Variants in PKMYT1 observed in about 807,000 individuals in gnomAD.
PKMYT1 encodes membrane-associated tyrosine- and threonine-specific cdc2-inhibitory kinase.
Under a neutral mutation model 49.7 loss-of-function variants are expected in PKMYT1, and 35 were observed. The ratio of observed to expected loss-of-function variants is 0.70; its 90% CI spans 0.54 to 0.93. PKMYT1 has a LOEUF of 0.93. Ranked by LOEUF, PKMYT1 falls within the 40% of genes least tolerant of loss-of-function variation. The probability of loss-of-function intolerance (pLI) is 0.00; values close to 1 mark genes in which losing one functional copy is unlikely to be tolerated. For synonymous variants in PKMYT1, 331 were observed against 287.6 expected (o/e 1.15, Z -1.53); for missense variants, 677 against 673.1 (o/e 1.01, Z -0.06).
chr16:2,973,954 TCCCCCACCTTCCCCCTAG>T, intron 7 of PKMYT1, 28 bp downstream of exon 7: 1 of 1,581,404 alleles, frequency 6.3e-7, no homozygotes, highest in South Asian at 1.1e-5. Context: ...CCCGGTGATA[TCCCCCACCTTCCCCCTAG>T]CCCCCCATAC....
At position 2,972,857 on chromosome 16, in the gene PKMYT1, A is replaced by C. The variant is rs2151065956; in HGVS notation, c.*96T>G. The C allele has an allele frequency of 1.3e-6, 2 of 1,534,902 alleles. No homozygotes were observed. The highest frequency in any genetic ancestry group is 2.7e-5 in the African/African-American group (2 of 73,096). Reference sequence around the variant, plus strand: ...CTTTTTATTAGACACGGCCAGGCAGAGAAGACCATGGGAGTTCCCGAGGGG... The same window carrying C: ...CTTTTTATTAGACACGGCCAGGCAGCGAAGACCATGGGAGTTCCCGAGGGG... On this transcript the variant is annotated 3_prime_UTR_variant, in exon 9 of 9. Transcript: ENST00000262300.
chr16:2,973,444 G>C, intron 7 of PKMYT1: 1 of 1,526,780 alleles, frequency 6.5e-7, no homozygotes. Context: ...AGAACACATG[G>C]ACTTGGAGGC....
chr16:2,977,264 A>C, intron 2 of PKMYT1: 2 of 1,365,822 alleles, frequency 1.5e-6, no homozygotes, highest in Non-Finnish European at 1.9e-6. Flanking sequence ...TAAGAGGAAA[A>C]CCATGGGGCC....
At chr16:2,973,978 C>G (rs577985946) in intron 7 of PKMYT1, 22 bp downstream of exon 7, 4 of 1,611,190 alleles carry the variant, frequency 2.5e-6, no homozygotes, top group Non-Finnish European at 3.4e-6. Context: ...CCTAGCCCCC[C>G]ATACCCTGCA....
intron 4 of PKMYT1, chr16:2,974,867 G>A: frequency 1.7e-6 from 1 of 585,886 alleles, no homozygotes. Context: ...CTGTGCCCAG[G>A]GAGCCCACAA....
chr16:2,975,378 G>A lies in PKMYT1; in HGVS notation c.813C>T (p.Pro271=). ...GCAGCAGCTCGGGGGCCATGTAGCG[G>A]GGGTCTCCCTCCTGGACCTCACCAG... ...AGAGEVQEGD[P]RYMAPELLQG... The change falls in exon 4 of 9, where the codon CCC becomes CCT. Residue 271 remains proline (P), a synonymous_variant. Coordinates refer to ENST00000262300, the MANE Select transcript of PKMYT1 (RefSeq NM_004203.5). 6.2e-7 allele frequency: 1 copy of A among 1,613,080 alleles called. No homozygotes were observed. Among genetic ancestry groups the A allele is most frequent in the South Asian group, 1.1e-5 (1 of 91,086 alleles).
In PKMYT1 at chr16:2,974,029, G is replaced by C. The variant is rs1374559893; in HGVS notation, c.1281C>G (p.Leu427=). The part of the protein sequence containing the change: ...PPCSLLLDSS[L]SSNWDDDSLG... Reference sequence around the variant, plus strand: ...GGCTGTCGTCATCCCAGTTGCTGGAGAGGCTGCTGTCCAGGAGCAAACTGC... The same window carrying C: ...GGCTGTCGTCATCCCAGTTGCTGGACAGGCTGCTGTCCAGGAGCAAACTGC... The change falls in exon 7 of 9, where the codon CTC becomes CTG. Residue 427 remains leucine (L), a synonymous_variant. Coordinates refer to ENST00000262300, the MANE Select transcript of PKMYT1 (RefSeq NM_004203.5). 1.9e-6 allele frequency: 3 copies of C among 1,612,730 alleles called. No homozygotes were observed. The highest frequency in any genetic ancestry group is 2.5e-6 in the Non-Finnish European group (3 of 1,179,922).
intron 2 of PKMYT1, 117 bp downstream of exon 2, chr16:2,979,531 G>C: frequency 1.2e-6 from 1 of 818,260 alleles, no homozygotes; most frequent in Non-Finnish European, 2.1e-6. Flanking sequence ...CAGGGTGTTG[G>C]GATCCTGGAG....
In PKMYT1 at chr16:2,974,553, C is replaced by A; in HGVS notation, c.976G>T (p.Ala326Ser). 1 of 1,569,808 alleles carries A rather than the reference C, an allele frequency of 6.4e-7. No homozygotes were observed. Among genetic ancestry groups the A allele is most frequent in the Non-Finnish European group, 8.6e-7 (1 of 1,157,100 alleles). The change falls in exon 5 of 9, where the codon GCC becomes TCC. Residue 326 changes from alanine (A) to serine (S), a missense_variant. Coordinates refer to ENST00000262300, the MANE Select transcript of PKMYT1 (RefSeq NM_004203.5). The stretch of plus-strand genomic sequence containing the variant: ...CCTCCCGCCCTCACCTACTCACCGG[C>A]AGTGAACTCAGGGGGCAGGTAGCCC... Reference protein sequence around the residue: ...RQGYLPPEFTAGLSSELRSVL... With the variant: ...RQGYLPPEFTSGLSSELRSVL...
At chr16:2,975,018 C>T (rs1264650630) in intron 4 of PKMYT1, among the ~76,000 whole-genome samples, 1 of 152,218 alleles carries the variant, frequency 6.6e-6, no homozygotes, top group Non-Finnish European at 1.5e-5. Context: ...CTCAGCTATG[C>T]CACTTGCTAG....
At chr16:2,974,920 C>T in intron 4 of PKMYT1, 3 of 568,658 alleles carry the variant, frequency 5.3e-6, no homozygotes, top group Non-Finnish European at 9.4e-6. Flanking sequence ...GGACAGGCAC[C>T]ACAGTTACTG....
intron 1 of PKMYT1, 149 bp from the exon 2 acceptor site, chr16:2,980,061 T>G: frequency 4.6e-6 from 1 of 217,492 alleles, no homozygotes; most frequent in African/African-American, 2.3e-5. Context: ...AGGCGGGGTC[T>G]CCGGGAGGGG....
chr16:2,979,896 G>C lies in PKMYT1; in HGVS notation c.-239C>G, dbSNP rs2072295995. 5 of 580,180 alleles carry C rather than the reference G, an allele frequency of 8.6e-6. No individual in the cohort carries two copies. The highest frequency in any genetic ancestry group is 1.6e-5 in the Non-Finnish European group (5 of 321,090). The allele number at this position is 580,180 out of a possible 1,614,324, so 35.9% of individuals were successfully genotyped here. On this transcript the variant is annotated 5_prime_UTR_variant, in exon 2 of 9. Coordinates refer to ENST00000262300, the MANE Select transcript of PKMYT1 (RefSeq NM_004203.5). ...GCAGGGCCGCGGCTGACTTCACTCC[G>C]TGGGTGTGGGGAAGCCCTGGCGAAC...
intron 1 of PKMYT1, 141 bp downstream of exon 1, chr16:2,980,145 G>A (rs895097078): frequency 4.4e-5 from 8 of 183,144 alleles, no homozygotes; most frequent in African/African-American, 1.9e-4. Flanking sequence ...CGGGAGGCAG[G>A]GGCTCGCGGG....
intron 2 of PKMYT1, among the ~76,000 whole-genome samples, chr16:2,978,782 G>A (rs2151080539): frequency 6.7e-6 from 1 of 148,996 alleles, no homozygotes; most frequent in Middle Eastern, 3.5e-3. Flanking sequence ...ATTGGACCGT[G>A]GAACACTTTA....
intron 2 of PKMYT1, chr16:2,977,383 A>AT: frequency 1.0e-6 from 1 of 995,122 alleles, no homozygotes; most frequent in South Asian, 4.7e-5. Context: ...ATCCTAAACT[A>AT]CACAACCTCT....
intron 7 of PKMYT1, 48 bp downstream of exon 7, chr16:2,973,952 T>C: frequency 3.8e-6 from 6 of 1,577,436 alleles, no homozygotes; most frequent in Non-Finnish European, 5.2e-6. Context: ...GCCCCGGTGA[T>C]ATCCCCCACC....
chr16:2,977,541 G>A (rs1320017148), intron 2 of PKMYT1: 1 of 956,016 alleles, frequency 1.0e-6, no homozygotes, highest in Non-Finnish European at 1.2e-6. Flanking sequence ...GCAGCTCCGT[G>A]GACCCCTGCC....
intron 1 of PKMYT1, 63 bp downstream of exon 1, chr16:2,980,223 C>G (rs991346453): frequency 6.5e-6 from 1 of 153,780 alleles, no homozygotes; most frequent in Non-Finnish European, 1.4e-5. Flanking sequence ...GCAGACCTGG[C>G]GAGGCGGAGG....
Sources: gnomAD v4.1 joint callset for allele counts (sites outside exome capture counted in the v4.1 genomes callset) on GRCh38, gnomAD v4.1.1 for gene constraint, MANE v1.5 for transcripts, NCBI Gene and HGNC (gene_info 2026-07-23, HGNC 2026-07-21) for gene names.